Variants in TONSL observed in about 807,000 individuals in gnomAD.
TONSL encodes tonsoku-like protein.
Under a neutral mutation model 147.1 loss-of-function variants are expected in TONSL, and 112 were observed. The observed-to-expected ratio is 0.76, with a 90% CI of 0.65 to 0.89. The LOEUF is 0.89. TONSL is among the 40% of genes least tolerant of loss of function. The probability of loss-of-function intolerance (pLI) is 0.00; values close to 1 mark genes in which losing one functional copy is unlikely to be tolerated. For synonymous variants in TONSL, 868 were observed against 801.5 expected, an observed-to-expected ratio of 1.08 and a Z score of -1.40; for missense variants, 1,883 against 1,864.6, an observed-to-expected ratio of 1.01 and a Z score of -0.18.
At chr8:144,435,247 A>G in intron 18 of TONSL, 77 bp from the exon 19 acceptor site, 1 of 1,431,736 alleles carries the variant, frequency 7.0e-7, no homozygotes, top group Non-Finnish European at 9.1e-7. Flanking sequence ...ATCCCTGCCC[A>G]GGGCCAGAAG....
intron 11 of TONSL, 123 bp from the exon 12 acceptor site, chr8:144,438,858 C>CT: frequency 1.0e-6 from 1 of 1,000,504 alleles, no homozygotes; most frequent in East Asian, 2.6e-5. Flanking sequence ...GGGCTGAGCT[C>CT]TGAGGCTGCT....
chr8:144,435,600 C>CCCTA (rs755103792), intron 17 of TONSL, 50 bp from the exon 18 acceptor site: 1 of 1,570,076 alleles, frequency 6.4e-7, no homozygotes, highest in South Asian at 1.2e-5. Context: ...GTGGGCTCCA[C>CCCTA]CCTACACCTG....
chr8:144,434,416 T>G (rs1453192315), intron 20 of TONSL, 137 bp from the exon 21 acceptor site: 6 of 762,554 alleles, frequency 7.9e-6, no homozygotes, highest in Middle Eastern at 3.9e-4. Context: ...CACTCGCACA[T>G]GCCTGTGGGT....
rs1424959855 is a variant in TONSL at position 144,429,252 on chromosome 8, C to T, written c.4028G>A (p.Arg1343His). The T allele has an allele frequency of 3.3e-6, 5 of 1,529,636 alleles. No homozygotes were observed. The highest frequency in any genetic ancestry group is 1.4e-5 in the African/African-American group (1 of 72,324). The allele number at this position is 1,529,636 out of a possible 1,614,324, so 94.8% of individuals were successfully genotyped here. A position where few individuals can be genotyped will look rare whatever the true frequency, so the allele number is the denominator to read the frequency against. Residue 1343 changes from arginine to histidine, a missense_variant, in exon 26 of 26, where the codon CGC becomes CAC. Physicochemically the swap from Arg to His is conservative, Grantham distance 29 (BLOSUM62 0). Transcript: ENST00000409379. ...GGCGTCCCTGTCCTCAGCGCAGAGG[C>T]GTCTGCTGCACAGCTGCAGTTCCCG... ...QLRELQLCSR[R>H]LCAEDRDALR...
rs1187854278 is a variant in TONSL at position 144,441,654 on chromosome 8, A to G, written c.865+383T>C. Reference sequence around the variant, plus strand: ...TCAAAGTAAGGGCTGACGGCTGCCAACCTCCAATGGTGGTCTCTGCCATCA... The same window carrying G: ...TCAAAGTAAGGGCTGACGGCTGCCAGCCTCCAATGGTGGTCTCTGCCATCA... On this transcript the variant is annotated intron_variant, in intron 7 of 25. Transcript: ENST00000409379. 6 of 215,706 alleles carry G rather than the reference A, an allele frequency of 2.8e-5. No homozygotes were observed. The South Asian group carries it at 4.3e-4, about 15-fold the overall frequency. 13.4% of individuals were successfully genotyped at this position (215,706 alleles called of 1,614,324 possible). A position where few individuals can be genotyped will look rare whatever the true frequency, so the allele number is the denominator to read the frequency against.
intron 22 of TONSL, chr8:144,432,762 T>G: frequency 7.1e-6 from 2 of 283,104 alleles, no homozygotes; most frequent in East Asian, 6.0e-5. Context: ...GCACTGACCA[T>G]TGCTGCCCCC....
chr8:144,435,718 G>T lies in TONSL; in HGVS notation c.2715C>A (p.Ser905Arg), dbSNP rs1397892896. 6.2e-7 allele frequency: 1 copy of T among 1,612,036 alleles called. No individual in the cohort carries two copies. The highest frequency in any genetic ancestry group is 8.5e-7 in the Non-Finnish European group (1 of 1,179,298). The change falls in exon 17 of 26, where the codon AGC (serine) becomes AGA (arginine). Residue 905 changes from serine (S) to arginine (R), a missense_variant. By Grantham distance (110) the Ser-to-Arg change is moderately radical. Transcript: ENST00000409379. The stretch of plus-strand genomic sequence containing the variant: ...GCTCTGAGACCCTGGGGGTGCTGGG[G>T]CTCCCTGGAGGTTCTGAAGCCAGGC... Reference protein sequence around the residue: ...PSSLASEPPGSPSTPRVSEPS... With the variant: ...PSSLASEPPGRPSTPRVSEPS...
rs181192463 is a variant in TONSL, at chr8:144,433,863, C to T, written c.3388-104G>A. ...TCTTCCCCACCTTGCCTGGCATAGC[C>T]TATTACAGCCGGGCACTGGCTGGCT... On this transcript the variant is annotated intron_variant, in intron 21 of 25. Transcript: ENST00000409379. 1.8e-4 allele frequency: 259 copies of T among 1,467,682 alleles called. 1 individual carries two copies. The African/African-American group carries it at 3.1e-3, about 18-fold the overall frequency. The allele number at this position is 1,467,682 out of a possible 1,614,324, so 90.9% of individuals were successfully genotyped here.
At chr8:144,441,646 G>A (rs981941805) in intron 7 of TONSL, 3 of 213,448 alleles carry the variant, frequency 1.4e-5, no homozygotes, top group South Asian at 7.1e-5. Flanking sequence ...AAGGGCTGAC[G>A]GCTGCCAACC....
chr8:144,444,083 C>T (rs957513733), intron 2 of TONSL, 59 bp from the exon 3 acceptor site: 3 of 1,357,600 alleles, frequency 2.2e-6, no homozygotes, highest in East Asian at 3.1e-5. Context: ...GGCCCTGGGG[C>T]GGCGTCTGCC....
intron 18 of TONSL, 29 bp downstream of exon 18, chr8:144,435,445 G>C: frequency 6.6e-7 from 1 of 1,512,006 alleles, no homozygotes; most frequent in Non-Finnish European, 8.9e-7. Flanking sequence ...GCACAGGTGG[G>C]CTGCGGGGTA....
Position 144,431,094 on chromosome 8 carries a change from C to A in TONSL, c.3793G>T (p.Val1265Phe). 4 of 1,614,158 alleles carry A rather than the reference C, an allele frequency of 2.5e-6. No individual in the cohort carries two copies. The highest frequency in any genetic ancestry group is 3.4e-6 in the Non-Finnish European group (4 of 1,179,998). ...LSANHLGDKA[V>F]RDLCRCLSLC... ...GGGCGTTACCTGCACAGGTCTCTAACAGCCTTGTCCCCCAGGTGGTTTGCA... is the reference window on the plus strand; with the variant it reads ...GGGCGTTACCTGCACAGGTCTCTAAAAGCCTTGTCCCCCAGGTGGTTTGCA... Residue 1265 changes from valine to phenylalanine, a missense_variant, in exon 24 of 26, where the codon GTT becomes TTT. Val to Phe is a conservative substitution (Grantham distance 50, BLOSUM62 -1). Coordinates refer to ENST00000409379, the MANE Select transcript of TONSL (RefSeq NM_013432.5).
chr8:144,441,854 T>G, intron 7 of TONSL, 183 bp downstream of exon 7: 1 of 568,244 alleles, frequency 1.8e-6, no homozygotes. Flanking sequence ...AAAAAGGGGG[T>G]CTTCTCCTGT....
intron 3 of TONSL, 140 bp downstream of exon 3, chr8:144,443,742 G>C (rs976473719): frequency 4.9e-6 from 6 of 1,221,282 alleles, no homozygotes; most frequent in Non-Finnish European, 5.6e-6. Flanking sequence ...GGACTGGCCC[G>C]GGGCGGTGAA....
Position 144,435,766 on chromosome 8 carries a change from C to G in TONSL, c.2667G>C (p.Ala889=). ...GGCTGCTGGGCCCTGCGTTAACTGG[C>G]GCACTGCAACTCTGCATGCAGGTCA... ...VRLTCMQSCS[A]PVNAGPSSLA... is the part of the protein sequence containing the mutation. Residue 889 remains alanine, a synonymous_variant, in exon 17 of 26, where the codon GCG becomes GCC. Coordinates refer to ENST00000409379, the MANE Select transcript of TONSL (RefSeq NM_013432.5). 2 of 1,612,872 alleles carry G rather than the reference C, an allele frequency of 1.2e-6. No individual in the cohort carries two copies. Among genetic ancestry groups the G allele is most frequent in the Non-Finnish European group, 1.7e-6 (2 of 1,179,930 alleles).
intron 21 of TONSL, 44 bp from the exon 22 acceptor site, chr8:144,433,803 G>C: frequency 1.3e-6 from 2 of 1,525,726 alleles, no homozygotes; most frequent in Non-Finnish European, 1.8e-6. Context: ...GCAGTCCCAC[G>C]GACAGGGTCC....
Position 144,435,534 on chromosome 8 carries a change from G to A in TONSL, c.2792C>T (p.Pro931Leu). 1 of 1,551,768 alleles carries A rather than the reference G, an allele frequency of 6.4e-7. No homozygotes were observed. Among genetic ancestry groups the A allele is most frequent in the Non-Finnish European group, 8.7e-7 (1 of 1,147,350 alleles). Residue 931 changes from proline (P) to leucine (L), a missense_variant, in exon 18 of 26, where the codon CCT becomes CTT. Coordinates refer to ENST00000409379, the MANE Select transcript of TONSL (RefSeq NM_013432.5). ...AGQPLGPAPP[P>L]PIRVRVQVQD... Reference sequence around the variant, plus strand: ...AACTTGAACTCGAACCCGGATGGGAGGGGGCGGGGCCGGACCCTGGCAGGT... The same window carrying A: ...AACTTGAACTCGAACCCGGATGGGAAGGGGCGGGGCCGGACCCTGGCAGGT...
Position 144,435,073 on chromosome 8 carries a change from C to T in TONSL, c.2950G>A (p.Gly984Arg). ...AGGTCCTGTGGGGCCAGCAGGGCCC[C>T]CTCTTTCCGTAGGGTGAGCCTGGGC... ...LLPRLTLRKE[G>R]ALLAPQDLIP... Residue 984 changes from glycine (G) to arginine (R), a missense_variant, in exon 19 of 26, where the codon GGG becomes AGG. Transcript: ENST00000409379. The T allele has an allele frequency of 1.9e-6, 3 of 1,610,614 alleles. No homozygotes were observed. The highest frequency in any genetic ancestry group is 4.5e-5 in the East Asian group (2 of 44,784).
chr8:144,443,400 G>A (rs1564735015), intron 3 of TONSL, 79 bp from the exon 4 acceptor site: 17 of 1,394,684 alleles, frequency 1.2e-5, no homozygotes, highest in Non-Finnish European at 1.6e-5. Flanking sequence ...CAGAGACCCT[G>A]TTCTTGCTAA....
Sources: allele counts gnomAD v4.1 joint callset, GRCh38; gene constraint gnomAD v4.1.1; transcripts MANE v1.5; gene names NCBI Gene and HGNC (gene_info 2026-07-23, HGNC 2026-07-21).